Variants in SRGAP3 observed in about 807,000 individuals in gnomAD.
The protein encoded by SRGAP3 is SLIT-ROBO Rho GTPase activating protein 3, also known as SLIT-ROBO Rho GTPase-activating protein 3.
In SRGAP3, 39 loss-of-function variants were observed where a neutral mutation model predicts 121.1. The ratio of observed to expected loss-of-function variants is 0.32; its 90% CI spans 0.25 to 0.42. The LOEUF (loss-of-function observed/expected upper bound fraction) is 0.42. Ranked by LOEUF, SRGAP3 falls within the 10% of genes least tolerant of loss-of-function variation. SRGAP3 has a pLI of 1.00. For synonymous variants in SRGAP3, 601 were observed against 570.0 expected, an observed-to-expected ratio of 1.05 and a Z score of -0.77; for missense variants, 1,213 against 1,470.6, an observed-to-expected ratio of 0.82 and a Z score of 2.86.
At chr3:9,290,439 G>A (rs910149075) in intron 3 of SRGAP3, among the ~76,000 whole-genome samples, 8 of 152,176 alleles carry the variant, frequency 5.3e-5, no homozygotes, top group Admixed American at 2.0e-4. Context: ...AGCTGGAGAT[G>A]CACCTGAAAA....
chr3:9,215,790 G>C (rs1227759056), intron 1 of SRGAP3, among the ~76,000 whole-genome samples: 2 of 152,210 alleles, frequency 1.3e-5, no homozygotes, highest in Non-Finnish European at 2.9e-5. Context: ...TCTAGGACTT[G>C]AACCAGCGGC....
At chr3:9,312,576 T>C (rs1420822320) in intron 3 of SRGAP3, among the ~76,000 whole-genome samples, 2 of 152,232 alleles carry the variant, frequency 1.3e-5, no homozygotes, top group East Asian at 3.9e-4. Flanking sequence ...GGTAGGTCAC[T>C]GGAAGCAGTC....
chr3:9,152,742 G>A (rs922662014), intron 1 of SRGAP3, among the ~76,000 whole-genome samples: 2 of 152,234 alleles, frequency 1.3e-5, no homozygotes, highest in African/African-American at 4.8e-5. Flanking sequence ...CCTTCAGGAA[G>A]GAAGGCCTTA....
At chr3:9,164,393 G>A (rs773839012) in intron 1 of SRGAP3, among the ~76,000 whole-genome samples, 5 of 151,386 alleles carry the variant, frequency 3.3e-5, no homozygotes, top group Non-Finnish European at 7.4e-5. Flanking sequence ...GGGTTCAAGC[G>A]ATTCTTGTGC....
intron 10 of SRGAP3, among the ~76,000 whole-genome samples, chr3:9,040,013 C>T (rs1303181791): frequency 1.3e-5 from 2 of 152,200 alleles, no homozygotes; most frequent in South Asian, 2.1e-4. Flanking sequence ...CTTCTTTAAG[C>T]CAGAAGTCTA....
intron 1 of SRGAP3, among the ~76,000 whole-genome samples, chr3:9,190,540 A>G (rs1003047736): frequency 6.6e-6 from 1 of 152,164 alleles, no homozygotes; most frequent in Non-Finnish European, 1.5e-5. Context: ...GCTGTTTCAG[A>G]AGAGAAAGAG....
At chr3:9,279,053 C>T (rs186382740) in intron 3 of SRGAP3, among the ~76,000 whole-genome samples, 3 of 152,140 alleles carry the variant, frequency 2.0e-5, no homozygotes, top group African/African-American at 4.8e-5. Context: ...ACACAAGAAT[C>T]GCTTGAGCCT....
intron 1 of SRGAP3, among the ~76,000 whole-genome samples, chr3:9,183,976 C>T (rs1225759815): frequency 2.6e-5 from 4 of 152,068 alleles, no homozygotes; most frequent in South Asian, 2.1e-4. Context: ...GCAAGCTCCT[C>T]GCCTCCTCTT....
intron 3 of SRGAP3, among the ~76,000 whole-genome samples, chr3:9,305,415 A>AT (rs1955142144): frequency 2.3e-5 from 1 of 42,610 alleles, no homozygotes; most frequent in African/African-American, 9.2e-5. Context: ...TTTTATTTTT[A>AT]TTTTTTTATT....
intron 21 of SRGAP3, among the ~76,000 whole-genome samples, chr3:8,989,559 G>A (rs1024778046): frequency 6.6e-6 from 1 of 152,148 alleles, no homozygotes; most frequent in South Asian, 2.1e-4. Context: ...AGACCAGAAG[G>A]TTCTGATTGT....
chr3:9,293,049 G>GA (rs142449718), intron 3 of SRGAP3: 32,192 of 143,976 alleles, frequency 0.22, 4,322 homozygotes, highest in Non-Finnish European at 0.31. Flanking sequence ...AAAAGAAAAT[G>GA]AAAAAAAAAA....
intron 3 of SRGAP3, among the ~76,000 whole-genome samples, chr3:9,305,363 C>CTTT (rs1210901472): frequency 1.0e-5 from 1 of 96,726 alleles, no homozygotes; most frequent in African/African-American, 3.8e-5. Flanking sequence ...GAGGTCCTCT[C>CTTT]TTTTTTTTTT....
At chr3:9,135,699 G>A (rs1348509487) in intron 1 of SRGAP3, among the ~76,000 whole-genome samples, 5 of 152,254 alleles carry the variant, frequency 3.3e-5, no homozygotes, top group African/African-American at 1.2e-4. Flanking sequence ...TGGAAATAAT[G>A]CACATGATGT....
In SRGAP3 at chr3:9,047,609, C is replaced by G. The variant is rs1574974162; in HGVS notation, c.1324-134G>C. ...CCCGCAGGGACCCCGGCGCAGGGAA[C>G]AGAGAGGCCTCTGCATCTGCGTCTT... On this transcript the variant is annotated intron_variant, in intron 9 of 21. Transcript: ENST00000383836. 7.5e-5 allele frequency: 61 copies of G among 813,182 alleles called. No homozygotes were observed. The East Asian group carries it at 1.6e-3, about 22-fold the overall frequency. 50.4% of individuals were successfully genotyped at this position (813,182 alleles called of 1,614,324 possible). A position where few individuals can be genotyped will look rare whatever the true frequency, so the allele number is the denominator to read the frequency against.
rs73811435 is a variant in SRGAP3 at position 9,133,790 on chromosome 3, C to T, written c.68-8873G>A. ...CCTGAAATTTTACCAGTTTATACTA[C>T]GATGAAAACTTTAGGACAAAGCAGG... is the stretch of plus-strand genomic sequence containing the variant. On this transcript the variant is annotated intron_variant, in intron 1 of 21. Transcript: ENST00000383836. Among the ~76,000 whole-genome samples, 441 of 152,282 alleles carry T rather than the reference C, an allele frequency of 2.9e-3. 2 individuals carry two copies. The highest frequency in any genetic ancestry group is 9.8e-3 in the African/African-American group (406 of 41,564).
intron 1 of SRGAP3, among the ~76,000 whole-genome samples, chr3:9,205,199 A>G (rs1358621775): frequency 6.6e-6 from 1 of 152,262 alleles, no homozygotes; most frequent in African/African-American, 2.4e-5. Flanking sequence ...TAGTAGCCAC[A>G]CTAAAAAATT....
intron 1 of SRGAP3, among the ~76,000 whole-genome samples, chr3:9,211,542 A>G (rs1952445810): frequency 1.3e-5 from 2 of 152,194 alleles, no homozygotes; most frequent in Admixed American, 1.3e-4. Flanking sequence ...GGATTCCTCA[A>G]AGTCTGATAA....
chr3:9,357,572 T>C lies in SRGAP3; in HGVS notation n.214+5268A>G, dbSNP rs139253006. On this transcript the variant is annotated intron_variant and non_coding_transcript_variant, in intron 1 of 3. Transcript: ENST00000490889. ...ATTTATCCTTAAGGAATAGAGAATG[T>C]TACTCTTCTGGGGAGTATGTAAAAG... Among the ~76,000 whole-genome samples the C allele has an allele frequency of 2.1e-4, 32 of 151,294 alleles. No homozygotes were observed. In the East Asian group the frequency reaches 6.2e-3, roughly 29 times the overall value.
At chr3:9,269,444 G>A in intron 3 of SRGAP3, among the ~76,000 whole-genome samples, 1 of 152,080 alleles carries the variant, frequency 6.6e-6, no homozygotes, top group Admixed American at 6.5e-5. Flanking sequence ...CCTGAAACTG[G>A]CACATCCATG....
Sources: allele counts gnomAD v4.1 joint callset (sites outside exome capture counted in the v4.1 genomes callset), GRCh38; gene constraint gnomAD v4.1.1; transcripts MANE v1.5; gene names NCBI Gene and HGNC (gene_info 2026-07-23, HGNC 2026-07-21).